ARHGAP24: variants seen among roughly 807,000 people sequenced by gnomAD.
ARHGAP24 encodes Rho GTPase activating protein 24.
Under a neutral mutation model 76.4 loss-of-function variants are expected in ARHGAP24, and 50 were observed. That is an observed-to-expected ratio of 0.65 (90% CI 0.52 to 0.83). The LOEUF is 0.83. Ranked by LOEUF, ARHGAP24 falls within the 40% of genes least tolerant of loss-of-function variation. The pLI, the probability that ARHGAP24 is intolerant of heterozygous loss-of-function variation, is 0.00. For synonymous variants in ARHGAP24, 345 were observed against 323.3 expected (o/e 1.07, Z -0.72); for missense variants, 930 against 914.2 (o/e 1.02, Z -0.22).
At chr4:85,491,792 A>G (rs1490116106) in intron 1 of ARHGAP24, among the ~76,000 whole-genome samples, 1 of 152,186 alleles carries the variant, frequency 6.6e-6, no homozygotes, top group Admixed American at 6.5e-5. Flanking sequence ...TCATTGAATT[A>G]GCCTCAAGTT....
At chr4:85,477,708 T>C (rs1304768890) in intron 1 of ARHGAP24, among the ~76,000 whole-genome samples, 3 of 152,188 alleles carry the variant, frequency 2.0e-5, no homozygotes, top group African/African-American at 7.2e-5. Context: ...CCTGTTGGTG[T>C]TTACCAACAG....
At chr4:85,967,678 G>A (rs927628570) in intron 5 of ARHGAP24, among the ~76,000 whole-genome samples, 1 of 152,132 alleles carries the variant, frequency 6.6e-6, no homozygotes, top group Non-Finnish European at 1.5e-5. Flanking sequence ...TGGATATAAT[G>A]TGCTTGATTA....
chr4:85,768,642 G>A (rs1301633770), intron 3 of ARHGAP24, among the ~76,000 whole-genome samples: 2 of 152,152 alleles, frequency 1.3e-5, no homozygotes, highest in Non-Finnish European at 2.9e-5. Context: ...GCCGGGTGTG[G>A]TGGCGCACGC....
At chr4:85,735,612 A>G (rs139937988) in intron 3 of ARHGAP24, among the ~76,000 whole-genome samples, 2 of 152,088 alleles carry the variant, frequency 1.3e-5, no homozygotes, top group African/African-American at 4.8e-5. Context: ...CTTAGTCACC[A>G]TTACTTGTTA....
intron 3 of ARHGAP24, among the ~76,000 whole-genome samples, chr4:85,806,291 G>C (rs1019394411): frequency 6.6e-6 from 1 of 152,134 alleles, no homozygotes; most frequent in Admixed American, 6.5e-5. Context: ...TCTAAGGGGA[G>C]GTACATCTAG....
In ARHGAP24 at chr4:85,722,241, C is replaced by A. The variant is rs898439757; in HGVS notation, c.268+269C>A. The A allele has an allele frequency of 2.9e-5, 12 of 411,818 alleles. No individual in the cohort carries two copies. In the Admixed American group the frequency reaches 3.0e-4, roughly 10 times the overall value. 25.5% of individuals were successfully genotyped at this position (411,818 alleles called of 1,614,324 possible). A position where few individuals can be genotyped will look rare whatever the true frequency, so the allele number is the denominator to read the frequency against. ...CACAAGTCATGATACAGTATTTGTTCAGGACTATTGGAGATGAATTTGATT... is the reference window on the plus strand; with the variant it reads ...CACAAGTCATGATACAGTATTTGTTAAGGACTATTGGAGATGAATTTGATT... On this transcript the variant is annotated intron_variant, in intron 3 of 9. Coordinates refer to ENST00000395184, the MANE Select transcript of ARHGAP24 (RefSeq NM_001025616.3).
chr4:85,666,458 A>C (rs1258675709), intron 2 of ARHGAP24, among the ~76,000 whole-genome samples: 4 of 152,218 alleles, frequency 2.6e-5, no homozygotes, highest in Admixed American at 1.3e-4. Flanking sequence ...TGTAGCTCAG[A>C]GTAATTTTGA....
intron 9 of ARHGAP24, among the ~76,000 whole-genome samples, chr4:85,998,288 ATC>A (rs1237421136): frequency 1.3e-5 from 2 of 152,198 alleles, no homozygotes; most frequent in African/African-American, 4.8e-5. Context: ...AGTTGTTCAT[ATC>A]TCCCTGAAGA....
chr4:85,912,177 C>G (rs905051656), intron 3 of ARHGAP24, among the ~76,000 whole-genome samples: 14 of 152,284 alleles, frequency 9.2e-5, no homozygotes, highest in African/African-American at 3.4e-4. Context: ...GTATCCTTAG[C>G]TGTGGAAGTG....
chr4:85,776,998 C>T (rs1727332636), intron 3 of ARHGAP24, among the ~76,000 whole-genome samples: 2 of 152,112 alleles, frequency 1.3e-5, no homozygotes, highest in African/African-American at 4.8e-5. Context: ...ATTAATGTTG[C>T]TTAACCTTTG....
intron 3 of ARHGAP24, among the ~76,000 whole-genome samples, chr4:85,853,061 A>T (rs932252604): frequency 6.6e-6 from 1 of 152,360 alleles, no homozygotes; most frequent in East Asian, 1.9e-4. Context: ...CCTTTTGTTC[A>T]GCTATGCCCT....
At chr4:85,515,934 A>T (rs1161695304) in intron 1 of ARHGAP24, among the ~76,000 whole-genome samples, 1 of 152,106 alleles carries the variant, frequency 6.6e-6, no homozygotes, top group Non-Finnish European at 1.5e-5. Flanking sequence ...CTGCCAATGG[A>T]GGGTGCTGTC....
At position 85,884,091 on chromosome 4, in the gene ARHGAP24, T is replaced by C. The variant is rs376499542; in HGVS notation, c.269-39557T>C. Reference sequence around the variant, plus strand: ...TTTGTGCAGGAATATGTAGTTAAATTGTAATTGATGATAACACAAAACTTA... The same window carrying C: ...TTTGTGCAGGAATATGTAGTTAAATCGTAATTGATGATAACACAAAACTTA... On this transcript the variant is annotated intron_variant, in intron 3 of 9. Coordinates refer to ENST00000395184, the MANE Select transcript of ARHGAP24 (RefSeq NM_001025616.3). Among the ~76,000 whole-genome samples the C allele has an allele frequency of 2.0e-4, 31 of 152,314 alleles. 1 individual carries two copies. In the East Asian group the frequency reaches 5.8e-3, roughly 28 times the overall value.
At chr4:85,920,876 TAAC>T (rs1735682704) in intron 3 of ARHGAP24, among the ~76,000 whole-genome samples, 1 of 151,358 alleles carries the variant, frequency 6.6e-6, no homozygotes, top group Non-Finnish European at 1.5e-5. Context: ...AAAATAATAA[TAAC>T]AAATGCTGGC....
intron 3 of ARHGAP24, among the ~76,000 whole-genome samples, chr4:85,918,678 T>C (rs1172936675): frequency 6.6e-6 from 1 of 152,146 alleles, no homozygotes; most frequent in Admixed American, 6.5e-5. Flanking sequence ...ATGTCAAGCA[T>C]CTATTTAAGA....
At chr4:85,755,641 G>GT (rs147557214) in intron 3 of ARHGAP24, among the ~76,000 whole-genome samples, 4 of 113,324 alleles carry the variant, frequency 3.5e-5, no homozygotes, top group Admixed American at 2.0e-4. Flanking sequence ...GTTTTGTTTT[G>GT]TTTTGTTTTG....
At chr4:85,510,832 GCTCT>G (rs3028035) in intron 1 of ARHGAP24, among the ~76,000 whole-genome samples, 142,106 of 144,726 alleles carry the variant, frequency 0.98, 69,781 homozygotes, top group East Asian at 1. Context: ...CTTCTCTCTC[GCTCT>G]CTCTCTCTTC....
intron 2 of ARHGAP24, among the ~76,000 whole-genome samples, chr4:85,625,445 T>A (rs187835582): frequency 2.0e-3 from 300 of 152,318 alleles, no homozygotes; most frequent in African/African-American, 6.9e-3. Flanking sequence ...GACAGTTTGT[T>A]ATAATTTCTG....
intron 2 of ARHGAP24, among the ~76,000 whole-genome samples, chr4:85,625,437 C>T (rs1471092401): frequency 2.0e-5 from 3 of 152,114 alleles, no homozygotes; most frequent in African/African-American, 7.2e-5. Context: ...GTCTGAGAGA[C>T]AGTTTGTTAT....
Sources: gnomAD v4.1 joint callset for allele counts (sites outside exome capture counted in the v4.1 genomes callset) on GRCh38, gnomAD v4.1.1 for gene constraint, MANE v1.5 for transcripts, NCBI Gene and HGNC (gene_info 2026-07-23, HGNC 2026-07-21) for gene names.